The following CMPK1 variants were observed in gnomAD, a reference collection of about 807,000 sequenced individuals.
CMPK1 encodes UMP-CMP kinase.
A neutral mutation model predicts 25.7 loss-of-function variants in CMPK1; 10 were observed. The observed-to-expected ratio is 0.39, with a 90% CI of 0.24 to 0.66. The LOEUF is 0.66. Ranked by LOEUF, CMPK1 falls within the 30% of genes least tolerant of loss-of-function variation. The pLI, the probability that CMPK1 is intolerant of heterozygous loss-of-function variation, is 0.48. For missense variants in CMPK1, 199 were observed against 280.5 expected (o/e 0.71, Z 2.08); for synonymous variants, 106 against 101.5 (o/e 1.04, Z -0.27).
chr1:47,354,599 CTT>C (rs34592236), intron 1 of CMPK1, among the ~76,000 whole-genome samples: 8 of 105,454 alleles, frequency 7.6e-5, no homozygotes, highest in Non-Finnish European at 1.1e-4. Context: ...TTGTGACTTG[CTT>C]TTTTTTTTTT....
intron 1 of CMPK1, chr1:47,358,413 C>T: frequency 8.2e-7 from 1 of 1,219,370 alleles, no homozygotes; most frequent in Non-Finnish European, 1.0e-6. Context: ...GTGCGTAGTC[C>T]CTGTTTTTAG....
chr1:47,346,163 C>A (rs1293461563), intron 1 of CMPK1, among the ~76,000 whole-genome samples: 1 of 152,102 alleles, frequency 6.6e-6, no homozygotes, highest in Non-Finnish European at 1.5e-5. Context: ...GATTCTCCTG[C>A]CTCAGCCTCC....
intron 1 of CMPK1, among the ~76,000 whole-genome samples, chr1:47,343,526 A>G (rs965848040): frequency 3.3e-5 from 5 of 151,296 alleles, no homozygotes; most frequent in African/African-American, 4.9e-5. Context: ...AAAAGTCTCA[A>G]AAAAACCCAC....
chr1:47,365,992 G>A (rs769003660), intron 1 of CMPK1, among the ~76,000 whole-genome samples: 4 of 152,038 alleles, frequency 2.6e-5, no homozygotes, highest in Admixed American at 2.0e-4. Flanking sequence ...TTAGGAGTTC[G>A]AGACCAGCCT....
chr1:47,343,229 C>T (rs1444589857), intron 1 of CMPK1, among the ~76,000 whole-genome samples: 1 of 151,818 alleles, frequency 6.6e-6, no homozygotes, highest in Non-Finnish European at 1.5e-5. Context: ...TCAAGTGATC[C>T]ACCTGCCTTG....
chr1:47,369,238 T>C (rs1646660148), intron 2 of CMPK1, among the ~76,000 whole-genome samples: 1 of 152,142 alleles, frequency 6.6e-6, no homozygotes, highest in South Asian at 2.1e-4. Context: ...ACTCCTGGGC[T>C]CAAGTGATCC....
At chr1:47,360,312 A>G (rs1309188437) in intron 1 of CMPK1, among the ~76,000 whole-genome samples, 1 of 152,180 alleles carries the variant, frequency 6.6e-6, no homozygotes, top group Non-Finnish European at 1.5e-5. Context: ...GAATTGACCA[A>G]TTACAGAATA....
At chr1:47,364,666 C>T (rs910769806) in intron 1 of CMPK1, among the ~76,000 whole-genome samples, 6 of 147,682 alleles carry the variant, frequency 4.1e-5, no homozygotes, top group African/African-American at 1.5e-4. Flanking sequence ...TACTATATTA[C>T]ATATAAATTT....
rs1309519228 is a variant in CMPK1, at chr1:47,376,870, A to G, written c.*125A>G. On this transcript the variant is annotated 3_prime_UTR_variant, in exon 6 of 6. Transcript: ENST00000371873. ...ATCTCAATTAGTGGCTGGAAAGTAC[A>G]TGGTAAAACAAAGTAAATTTTTTTA... The G allele has an allele frequency of 1.9e-6, 1 of 533,304 alleles. No homozygotes were observed. The allele number at this position is 533,304 out of a possible 1,614,324, so 33.0% of individuals were successfully genotyped here. A position where few individuals can be genotyped will look rare whatever the true frequency, so the allele number is the denominator to read the frequency against.
At chr1:47,346,578 A>G (rs1251472172) in intron 1 of CMPK1, among the ~76,000 whole-genome samples, 2 of 150,504 alleles carry the variant, frequency 1.3e-5, no homozygotes, top group African/African-American at 4.9e-5. Flanking sequence ...ATCTCAACTC[A>G]CTGCAACCTC....
intron 1 of CMPK1, among the ~76,000 whole-genome samples, chr1:47,364,596 T>C (rs988840594): frequency 1.3e-5 from 2 of 150,460 alleles, no homozygotes; most frequent in Admixed American, 1.3e-4. Context: ...GGATTATAGG[T>C]GTGAGCCACC....
intron 3 of CMPK1, among the ~76,000 whole-genome samples, chr1:47,374,371 A>G (rs1646694848): frequency 6.6e-6 from 1 of 152,184 alleles, no homozygotes; most frequent in Admixed American, 6.6e-5. Context: ...GCATTGTTTT[A>G]AAACGTAACT....
intron 1 of CMPK1, among the ~76,000 whole-genome samples, chr1:47,337,985 AT>A (rs1257226669): frequency 1.3e-5 from 2 of 151,818 alleles, no homozygotes; most frequent in African/African-American, 4.9e-5. Context: ...TTGACTCAAT[AT>A]TTTTTTATAC....
At chr1:47,342,522 A>G (rs970027594) in intron 1 of CMPK1, among the ~76,000 whole-genome samples, 1 of 152,174 alleles carries the variant, frequency 6.6e-6, no homozygotes, top group Non-Finnish European at 1.5e-5. Context: ...AAAATTAACC[A>G]TCACAAACAT....
At chr1:47,349,557 G>A (rs1022849072) in intron 1 of CMPK1, among the ~76,000 whole-genome samples, 6 of 152,130 alleles carry the variant, frequency 3.9e-5, no homozygotes, top group African/African-American at 7.2e-5. Flanking sequence ...TGTAGCGTAC[G>A]AGTTGGAGCA....
intron 1 of CMPK1, among the ~76,000 whole-genome samples, chr1:47,365,268 G>T (rs1380976157): frequency 1.3e-5 from 1 of 79,662 alleles, no homozygotes; most frequent in African/African-American, 4.1e-5. Context: ...GTACCCTGAA[G>T]ATCTTTTTTT....
chr1:47,363,647 T>C (rs995259482), intron 1 of CMPK1, among the ~76,000 whole-genome samples: 1 of 146,820 alleles, frequency 6.8e-6, no homozygotes, highest in East Asian at 2.0e-4. Flanking sequence ...CAAAAACAAA[T>C]AAACAAACAA....
At chr1:47,341,315 A>T (rs67221389) in intron 1 of CMPK1, among the ~76,000 whole-genome samples, 41,206 of 152,084 alleles carry the variant, frequency 0.27, 5,873 homozygotes, top group Non-Finnish European at 0.32. Context: ...TGTATCATAG[A>T]TATCCTTTCA....
intron 5 of CMPK1, among the ~76,000 whole-genome samples, chr1:47,375,790 CAT>C (rs992594117): frequency 1.3e-5 from 2 of 152,180 alleles, no homozygotes; most frequent in Admixed American, 1.3e-4. Context: ...CTTTCTTTTT[CAT>C]AAATAGCGAT....
Sources: allele counts gnomAD v4.1 joint callset (sites outside exome capture counted in the v4.1 genomes callset), GRCh38; gene constraint gnomAD v4.1.1; transcripts MANE v1.5; gene names NCBI Gene and HGNC (gene_info 2026-07-23, HGNC 2026-07-21).